The following ABCC8 variants were observed in gnomAD, a reference collection of about 807,000 sequenced individuals.
ABCC8 encodes the protein ATP-binding cassette sub-family C member 8.
Under a neutral mutation model 188.0 loss-of-function variants are expected in ABCC8, and 137 were observed. That is an observed-to-expected ratio of 0.73 (90% CI 0.63 to 0.84). ABCC8 has a LOEUF of 0.84. Among genes scored for constraint, ABCC8 ranks in the 40% least tolerant of loss-of-function variants. ABCC8 has a pLI of 0.00. For missense variants in ABCC8, 1,750 were observed against 2,072.7 expected, an observed-to-expected ratio of 0.84 and a Z score of 3.02; for synonymous variants, 797 against 846.5, an observed-to-expected ratio of 0.94 and a Z score of 1.01.
intron 4 of ABCC8, 110 bp from the exon 5 acceptor site, chr11:17,461,935 G>A: frequency 6.5e-7 from 1 of 1,535,534 alleles, no homozygotes. Context: ...ATCTCTAACA[G>A]ATGGGGCCAT....
intron 11 of ABCC8, among the ~76,000 whole-genome samples, chr11:17,431,898 A>T (rs1564930492): frequency 6.6e-6 from 1 of 152,246 alleles, no homozygotes. Context: ...TGGATTTCCC[A>T]TCACTTCTAC....
chr11:17,456,087 C>A (rs34048175), intron 6 of ABCC8, among the ~76,000 whole-genome samples: 4,670 of 152,008 alleles, frequency 0.031, 102 homozygotes, highest in South Asian at 0.072. Flanking sequence ...CAGCACCCTG[C>A]AGGTACCAAG....
Position 17,428,623 on chromosome 11 carries a change from T to C in ABCC8, c.1865A>G (p.Glu622Gly), listed in dbSNP as rs1295177053. Residue 622 changes from glutamate (E) to glycine (G), a missense_variant, in exon 13 of 39, where the codon GAG becomes GGG. Physicochemically the swap from Glu to Gly is moderately conservative, Grantham distance 98. Transcript: ENST00000389817. ...TGTGGGCTCATGGGGGGCACACTGC[T>C]CCTCACGGATCTCTGCACTGGACAG... Reference protein sequence around the residue: ...EFLSSAEIREEQCAPHEPTPQ... With the variant: ...EFLSSAEIREGQCAPHEPTPQ... 2 of 1,614,004 alleles carry C rather than the reference T, an allele frequency of 1.2e-6. No homozygotes were observed. The highest frequency in any genetic ancestry group is 1.7e-6 in the Non-Finnish European group (2 of 1,180,014).
intron 12 of ABCC8, 42 bp from the exon 13 acceptor site, chr11:17,428,712 G>A: frequency 6.2e-7 from 1 of 1,606,508 alleles, no homozygotes. Context: ...CCTGCCAGGG[G>A]CAGAGGGGAG....
chr11:17,397,931 A>G, intron 30 of ABCC8, 134 bp from the exon 31 acceptor site: 1 of 1,502,016 alleles, frequency 6.7e-7, no homozygotes, highest in Non-Finnish European at 8.9e-7. Flanking sequence ...TGCACACGTC[A>G]CCAGACACAC....
At chr11:17,465,399 C>T (rs1848089006) in intron 3 of ABCC8, 1 of 152,294 alleles carries the variant, frequency 6.6e-6, no homozygotes, top group Non-Finnish European at 1.5e-5. Context: ...GGGACTTACT[C>T]TTCCTGCCCA....
intron 33 of ABCC8, chr11:17,396,674 G>A (rs1245559052): frequency 5.4e-6 from 3 of 557,612 alleles, no homozygotes; most frequent in Non-Finnish European, 9.6e-6. Flanking sequence ...GGAGTCCAGA[G>A]TGTCGGTCTC....
At position 17,428,588 on chromosome 11, in the gene ABCC8, G is replaced by C; in HGVS notation, c.1900C>G (p.Pro634Ala). 6.2e-7 allele frequency: 1 copy of C among 1,614,116 alleles called. No individual in the cohort carries two copies. The highest frequency in any genetic ancestry group is 8.5e-7 in the Non-Finnish European group (1 of 1,180,024). Residue 634 changes from proline to alanine, a missense_variant, in exon 13 of 39, where the codon CCA (proline) becomes GCA (alanine). By Grantham distance (27) the Pro-to-Ala change is conservative. Transcript: ENST00000389817. ...ACCACCGCCTGGTACTTGCTGGCTG[G>C]GCCCTGAGGTGTGGGCTCATGGGGG... The part of the protein sequence containing the change: ...CAPHEPTPQG[P>A]ASKYQAVPLR...
chr11:17,421,877 T>C (rs1342525577), intron 16 of ABCC8, among the ~76,000 whole-genome samples: 2 of 152,162 alleles, frequency 1.3e-5, no homozygotes, highest in Non-Finnish European at 2.9e-5. Context: ...ATTCTACACC[T>C]CCTAATCCCC....
chr11:17,410,576 G>A lies in ABCC8; in HGVS notation c.2634C>T (p.Asp878=), dbSNP rs754554936. The change falls in exon 22 of 39, where the codon GAC becomes GAT. Residue 878 remains aspartate (D), a synonymous_variant. Coordinates refer to ENST00000389817, the MANE Select transcript of ABCC8 (RefSeq NM_000352.6). ...TCACTAAGACCACTGTCCTCTTGTC[G>A]TCCCGGAGCAGCTCAAGGATGCCGG... ...MQAGILELLR[D]DKRTVVLVTH... 25 of 1,613,958 alleles carry A rather than the reference G, an allele frequency of 1.5e-5. No individual in the cohort carries two copies. The highest frequency in any genetic ancestry group is 1.6e-4 in the Middle Eastern group (1 of 6,084).
chr11:17,410,576 G>C lies in ABCC8; in HGVS notation c.2634C>G (p.Asp878Glu), dbSNP rs754554936. The change falls in exon 22 of 39, where the codon GAC (aspartate) becomes GAG (glutamate). Residue 878 changes from aspartate to glutamate, a missense_variant. Physicochemically the swap from Asp to Glu is conservative, Grantham distance 45. Transcript: ENST00000389817. ...MQAGILELLRDDKRTVVLVTH... is the reference protein window; with the variant it reads ...MQAGILELLREDKRTVVLVTH... Reference sequence around the variant, plus strand: ...TCACTAAGACCACTGTCCTCTTGTCGTCCCGGAGCAGCTCAAGGATGCCGG... The same window carrying C: ...TCACTAAGACCACTGTCCTCTTGTCCTCCCGGAGCAGCTCAAGGATGCCGG... The C allele has an allele frequency of 1.9e-6, 3 of 1,613,958 alleles. No individual in the cohort carries two copies. The highest frequency in any genetic ancestry group is 1.7e-6 in the Non-Finnish European group (2 of 1,180,032).
chr11:17,426,643 G>C (rs1955594626), intron 16 of ABCC8, among the ~76,000 whole-genome samples: 1 of 152,136 alleles, frequency 6.6e-6, no homozygotes, highest in African/African-American at 2.4e-5. Flanking sequence ...TGTTGGTGTT[G>C]CAATTTCCCA....
At chr11:17,472,459 C>T (rs1214967416) in intron 2 of ABCC8, among the ~76,000 whole-genome samples, 1 of 152,188 alleles carries the variant, frequency 6.6e-6, no homozygotes, top group Non-Finnish European at 1.5e-5. Context: ...CTAAATGAGG[C>T]TCACTCTAAA....
intron 16 of ABCC8, among the ~76,000 whole-genome samples, chr11:17,425,606 C>T (rs899524660): frequency 1.3e-5 from 2 of 152,178 alleles, no homozygotes; most frequent in African/African-American, 2.4e-5. Context: ...TTGTCCTCTG[C>T]CCAGGTTGCT....
At chr11:17,454,547 G>C (rs1206783383) in intron 6 of ABCC8, among the ~76,000 whole-genome samples, 1 of 152,206 alleles carries the variant, frequency 6.6e-6, no homozygotes, top group Non-Finnish European at 1.5e-5. Context: ...AAGGTAGAAG[G>C]GCAGGGGTGG....
At chr11:17,474,828 C>T (rs1848667482) in intron 2 of ABCC8, 58 bp downstream of exon 2, 1 of 1,580,976 alleles carries the variant, frequency 6.3e-7, no homozygotes, top group Non-Finnish European at 8.7e-7. Context: ...CTCCTTGGGC[C>T]TTTCAGGAAG....
At chr11:17,468,150 T>C (rs1591910830) in intron 3 of ABCC8, among the ~76,000 whole-genome samples, 1 of 149,720 alleles carries the variant, frequency 6.7e-6, no homozygotes, top group South Asian at 2.1e-4. Context: ...TGGGGGCCCC[T>C]GGGCTAGGGG....
intron 27 of ABCC8, among the ~76,000 whole-genome samples, chr11:17,405,007 C>T (rs913980489): frequency 5.3e-5 from 8 of 152,108 alleles, no homozygotes; most frequent in Admixed American, 1.3e-4. Context: ...TCAAGTGATC[C>T]GCCTGCCTCC....
chr11:17,414,561 C>A lies in ABCC8; in HGVS notation c.2341G>T (p.Ala781Ser). 7 of 1,614,246 alleles carry A rather than the reference C, an allele frequency of 4.3e-6. No homozygotes were observed. The highest frequency in any genetic ancestry group is 5.9e-6 in the Non-Finnish European group (7 of 1,180,052). Reference sequence around the variant, plus strand: ...AAGATGATGTTCTCCTCCACAGTGGCATTTAGCAGCCATGGTTTCTGCGAA... The same window carrying A: ...AAGATGATGTTCTCCTCCACAGTGGAATTTAGCAGCCATGGTTTCTGCGAA... Reference protein sequence around the residue: ...YASQKPWLLNATVEENIIFES... With the variant: ...YASQKPWLLNSTVEENIIFES... The change falls in exon 19 of 39, where the codon GCC (alanine) becomes TCC (serine). Residue 781 changes from alanine to serine, a missense_variant. Ala to Ser is a moderately conservative substitution (Grantham distance 99). Transcript: ENST00000389817.
Sources: allele counts gnomAD v4.1 joint callset (sites outside exome capture counted in the v4.1 genomes callset), GRCh38; gene constraint gnomAD v4.1.1; transcripts MANE v1.5; gene names NCBI Gene and HGNC (gene_info 2026-07-23, HGNC 2026-07-21).